The following PDE10A variants were observed in gnomAD, a reference collection of about 807,000 sequenced individuals.
The protein encoded by PDE10A is cAMP and cAMP-inhibited cGMP 3',5'-cyclic phosphodiesterase 10A.
Under a neutral mutation model 97.7 loss-of-function variants are expected in PDE10A, and 39 were observed. That is an observed-to-expected ratio of 0.40 (90% confidence interval 0.31 to 0.52). The LOEUF is 0.52. Ranked by LOEUF, PDE10A falls within the 20% of genes least tolerant of loss-of-function variation. PDE10A has a pLI of 0.56. For missense variants in PDE10A, 731 were observed against 1,047.8 expected, an observed-to-expected ratio of 0.70 and a Z score of 4.17; for synonymous variants, 371 against 376.8, an observed-to-expected ratio of 0.98 and a Z score of 0.18.
At chr6:165,656,567 T>C (rs1207968484) in intron 1 of PDE10A, among the ~76,000 whole-genome samples, 1 of 152,034 alleles carries the variant, frequency 6.6e-6, no homozygotes, top group Non-Finnish European at 1.5e-5. Flanking sequence ...TATACACTCG[T>C]CTGAGGGGTC....
chr6:165,565,653 G>C (rs920646412), intron 1 of PDE10A, among the ~76,000 whole-genome samples: 1 of 152,030 alleles, frequency 6.6e-6, no homozygotes, highest in African/African-American at 2.4e-5. Flanking sequence ...CAAAGTTCGA[G>C]GACTGACAAT....
chr6:165,905,671 T>A (rs962090498), intron 1 of PDE10A, among the ~76,000 whole-genome samples: 2 of 147,466 alleles, frequency 1.4e-5, no homozygotes, highest in African/African-American at 5.0e-5. Flanking sequence ...AATACTTTTT[T>A]AACTGAAAAA....
rs1354649585 is a variant in PDE10A at position 165,633,480 on chromosome 6, G to C, written c.865+28467C>G. ...AAAAACTGTAAAACCCCCTCGGAAG[G>C]GAGAAAGAAGATGGAATAATTGAGG... On this transcript the variant is annotated intron_variant, in intron 1 of 21. Coordinates refer to ENST00000539869, the MANE Select transcript of PDE10A (RefSeq NM_001385079.1). Among the ~76,000 whole-genome samples the C allele has an allele frequency of 5.9e-5, 9 of 152,108 alleles. No individual in the cohort carries two copies. In the East Asian group the frequency reaches 1.7e-3, roughly 29 times the overall value.
Position 165,543,476 on chromosome 6 carries a change from C to T in PDE10A, c.958G>A (p.Glu320Lys). 6.2e-7 allele frequency: 1 copy of T among 1,613,100 alleles called. No homozygotes were observed. Among genetic ancestry groups the T allele is most frequent in the Non-Finnish European group, 8.5e-7 (1 of 1,179,492 alleles). The change falls in exon 2 of 22, where the codon GAG becomes AAG. Residue 320 changes from glutamate (E) to lysine (K), a missense_variant. By Grantham distance (56) the Glu-to-Lys change is moderately conservative (BLOSUM62 1). Around this residue, in one of 8 missense-constraint regions of PDE10A, gnomAD observed 181 missense variants for 159.1 expected, o/e 1.14. Coordinates refer to ENST00000539869, the MANE Select transcript of PDE10A (RefSeq NM_001385079.1). The stretch of plus-strand genomic sequence containing the variant: ...TTGTTCTTCCTCTTCAGCCATTTCT[C>T]TACTGTCTCTGCACTAACACTTTCA... ...VSESVSAETV[E>K]KWLKRKNNKS...
intron 1 of PDE10A, among the ~76,000 whole-genome samples, chr6:165,783,507 A>G (rs1353444761): frequency 6.6e-6 from 1 of 152,198 alleles, no homozygotes; most frequent in East Asian, 1.9e-4. Flanking sequence ...GGGAACTTTT[A>G]CCTATTTGAT....
intron 3 of PDE10A, among the ~76,000 whole-genome samples, chr6:165,471,799 G>T (rs1460655226): frequency 6.6e-6 from 1 of 152,020 alleles, no homozygotes; most frequent in Non-Finnish European, 1.5e-5. Flanking sequence ...TTTCTTATTA[G>T]ACTTACTACA....
At chr6:165,751,235 C>T (rs1792993122) in intron 1 of PDE10A, among the ~76,000 whole-genome samples, 1 of 152,120 alleles carries the variant, frequency 6.6e-6, no homozygotes, top group South Asian at 2.1e-4. Context: ...ATACTTTGGC[C>T]CTTGGATTCT....
chr6:165,582,158 C>T (rs1188869327), intron 1 of PDE10A, among the ~76,000 whole-genome samples: 1 of 152,074 alleles, frequency 6.6e-6, no homozygotes, highest in Non-Finnish European at 1.5e-5. Flanking sequence ...GAAGCTTAAA[C>T]AAACTGAATT....
chr6:165,695,153 A>G (rs757011026), intron 1 of PDE10A, among the ~76,000 whole-genome samples: 7 of 151,670 alleles, frequency 4.6e-5, no homozygotes, highest in African/African-American at 7.3e-5. Flanking sequence ...AACTTCCAGC[A>G]TGGCAGTGTA....
chr6:165,576,550 A>C, intron 1 of PDE10A: 2 of 708,968 alleles, frequency 2.8e-6, no homozygotes, highest in East Asian at 2.5e-5. Flanking sequence ...CTAAACAAAA[A>C]CAAAACAAAA....
intron 1 of PDE10A, among the ~76,000 whole-genome samples, chr6:165,785,523 G>A (rs1778468398): frequency 6.6e-6 from 1 of 152,114 alleles, no homozygotes. Context: ...TATTGTTGTT[G>A]TTATCGTTAT....
At chr6:165,479,676 T>G (rs1039270267) in intron 3 of PDE10A, among the ~76,000 whole-genome samples, 5 of 152,168 alleles carry the variant, frequency 3.3e-5, no homozygotes, top group Non-Finnish European at 7.3e-5. Flanking sequence ...TTTCCACAAC[T>G]CCCCTCTATA....
chr6:165,393,245 TTTC>T (rs1260412622), intron 15 of PDE10A, among the ~76,000 whole-genome samples: 2 of 152,138 alleles, frequency 1.3e-5, no homozygotes, highest in Non-Finnish European at 2.9e-5. Context: ...TCATGAGACT[TTTC>T]TAGAGTTACT....
chr6:165,790,874 A>G lies in PDE10A; in HGVS notation c.-615+196655T>C, dbSNP rs1583094168. ...GATTGACGAGAGTACTTAATGTGTG[A>G]TCTACCCTCTTAACATTTTAAGAAT... On this transcript the variant is annotated intron_variant, in intron 1 of 19. Coordinates refer to the PDE10A transcript ENST00000366882. 1.3e-5 allele frequency among the ~76,000 whole-genome samples: 2 copies of G among 152,148 alleles called. 1 individual carries two copies. Among genetic ancestry groups the G allele is most frequent in the Non-Finnish European group, 2.9e-5 (2 of 68,004 alleles).
intron 1 of PDE10A, among the ~76,000 whole-genome samples, chr6:165,670,491 C>T (rs1790618129): frequency 6.6e-6 from 1 of 152,132 alleles, no homozygotes; most frequent in African/African-American, 2.4e-5. Context: ...CATTTGATCC[C>T]AGAAGTTTAG....
At chr6:165,610,978 G>A (rs1012308487) in intron 1 of PDE10A, among the ~76,000 whole-genome samples, 1 of 151,826 alleles carries the variant, frequency 6.6e-6, no homozygotes, top group Non-Finnish European at 1.5e-5. Flanking sequence ...CTTCCAATCG[G>A]GAGAGTTGCG....
chr6:165,348,363 T>C (rs911442834), intron 18 of PDE10A, among the ~76,000 whole-genome samples: 22 of 152,214 alleles, frequency 1.4e-4, no homozygotes, highest in African/African-American at 5.1e-4. Context: ...AAACGCACCA[T>C]GGTCTTTTCT....
Position 165,388,344 on chromosome 6 carries a change from G to C in PDE10A, c.2564C>G (p.Ser855Cys). ...DHPLAALYST[S>C]TMEQHHFSQT... ...GGAGAAGTGGTGCTGCTCCATGGTGGAAGTGGAGTAGAGAGCGGCCAGAGG... is the reference window on the plus strand; with the variant it reads ...GGAGAAGTGGTGCTGCTCCATGGTGCAAGTGGAGTAGAGAGCGGCCAGAGG... The change falls in exon 17 of 22, where the codon TCC (serine) becomes TGC (cysteine). Residue 855 changes from serine to cysteine, a missense_variant. Physicochemically the swap from Ser to Cys is moderately radical, Grantham distance 112. This residue lies in a region of PDE10A where 25 missense variants were observed against 83.7 expected (regional missense o/e 0.30). Coordinates refer to ENST00000539869, the MANE Select transcript of PDE10A (RefSeq NM_001385079.1). This position sits in a 1 kb window ranked among gnomAD's most constrained non-coding sequence, Gnocchi z 4.0. The C allele has an allele frequency of 6.2e-7, 1 of 1,614,124 alleles. No homozygotes were observed. The highest frequency in any genetic ancestry group is 8.5e-7 in the Non-Finnish European group (1 of 1,179,982).
chr6:165,537,491 T>C (rs932496622), intron 2 of PDE10A, among the ~76,000 whole-genome samples: 2 of 152,072 alleles, frequency 1.3e-5, no homozygotes, highest in Non-Finnish European at 2.9e-5. Flanking sequence ...TATTACATTG[T>C]ATGCTTGTAT....
Sources: gnomAD v4.1 joint callset for allele counts (sites outside exome capture counted in the v4.1 genomes callset) on GRCh38, gnomAD v4.1.1 for gene constraint, gnomAD v4.1.1 regional missense constraint, Gnocchi (gnomAD v3.1) non-coding constraint, MANE v1.5 for transcripts, NCBI Gene and HGNC (gene_info 2026-07-23, HGNC 2026-07-21) for gene names.